C12orf54: variants seen among roughly 807,000 people sequenced by gnomAD.
C12orf54 encodes the protein uncharacterized protein C12orf54.
Under a neutral mutation model 26.4 loss-of-function variants are expected in C12orf54, and 24 were observed. The observed-to-expected ratio is 0.91, with a 90% CI of 0.66 to 1.28. C12orf54 has a LOEUF of 1.28. C12orf54 is among the 50% of genes most tolerant of loss of function. The pLI is 0.00. For missense variants in C12orf54, 154 were observed against 150.9 expected (o/e 1.02, Z -0.11); for synonymous variants, 54 against 47.0 (o/e 1.15, Z -0.61).
chr12:48,471,539 CTGGTTTCATTCTTCTGCATATGGCTA>C, the C12orf54 span, among the ~76,000 whole-genome samples: 2 of 152,266 alleles, frequency 1.3e-5, no homozygotes, highest in East Asian at 3.9e-4. Context: ...AGGTAAGGGT[CTGGTTTCATTCTTCTGCATATGGCTA>C]GCCAGTTATC....
chr12:48,477,641 A>T (rs1954157098), upstream of C12orf54, among the ~76,000 whole-genome samples: 1 of 152,222 alleles, frequency 6.6e-6, no homozygotes, highest in Non-Finnish European at 1.5e-5. Flanking sequence ...AAACTAGAAA[A>T]TCTAGAAGGA....
chr12:48,478,139 AC>A (rs1324328528), upstream of C12orf54, among the ~76,000 whole-genome samples: 2 of 152,240 alleles, frequency 1.3e-5, no homozygotes, highest in Non-Finnish European at 2.9e-5. Context: ...AGAAACAAAG[AC>A]AAAAACCACA....
chr12:48,427,855 A>G, the C12orf54 span, among the ~76,000 whole-genome samples: 122 of 152,214 alleles, frequency 8.0e-4, no homozygotes, highest in East Asian at 0.015. Context: ...CCATCCAAGA[A>G]CCACAGAATA....
At chr12:48,460,918 G>C in the C12orf54 span, among the ~76,000 whole-genome samples, 9 of 152,008 alleles carry the variant, frequency 5.9e-5, no homozygotes, top group Non-Finnish European at 1.2e-4. Context: ...AGTGAAATGA[G>C]AGTGAAAAAC....
chr12:48,425,475 C>T, the C12orf54 span, among the ~76,000 whole-genome samples: 2 of 152,052 alleles, frequency 1.3e-5, no homozygotes, highest in Admixed American at 6.6e-5. Flanking sequence ...TCCAATCTGT[C>T]ATTGATGCAC....
the C12orf54 span, among the ~76,000 whole-genome samples, chr12:48,441,485 G>A: frequency 4.6e-5 from 7 of 152,010 alleles, no homozygotes; most frequent in African/African-American, 1.7e-4. Context: ...TCCTAAGAGA[G>A]TAAATGATCT....
the C12orf54 span, among the ~76,000 whole-genome samples, chr12:48,426,722 T>C: frequency 1.3e-5 from 2 of 152,182 alleles, no homozygotes; most frequent in African/African-American, 4.8e-5. Context: ...CGAGCATGAA[T>C]GCTTTTCCAT....
At chr12:48,494,274 A>G (rs1209957100) in intron 7 of C12orf54, among the ~76,000 whole-genome samples, 1 of 152,086 alleles carries the variant, frequency 6.6e-6, no homozygotes, top group African/African-American at 2.4e-5. Context: ...GAAATGGAAA[A>G]GGTGAACTCC....
the C12orf54 span, among the ~76,000 whole-genome samples, chr12:48,422,226 C>G: frequency 3.5e-4 from 53 of 152,230 alleles, no homozygotes; most frequent in Admixed American, 3.0e-3. Flanking sequence ...AACAGCATTG[C>G]AGGAAGTTGA....
the C12orf54 span, among the ~76,000 whole-genome samples, chr12:48,422,880 G>T: frequency 1.1e-4 from 16 of 152,152 alleles, no homozygotes; most frequent in East Asian, 3.1e-3. Context: ...GGGATGAAAA[G>T]GATCACTAGT....
chr12:48,416,328 C>T, the C12orf54 span, among the ~76,000 whole-genome samples: 1 of 152,164 alleles, frequency 6.6e-6, no homozygotes, highest in Non-Finnish European at 1.5e-5. Flanking sequence ...TTTTACCCAT[C>T]GCTTGCTGAG....
chr12:48,456,634 GA>G, the C12orf54 span, among the ~76,000 whole-genome samples: 1 of 152,146 alleles, frequency 6.6e-6, no homozygotes, highest in South Asian at 2.1e-4. Flanking sequence ...AAATGGCTTT[GA>G]CAATTGTTCT....
chr12:48,474,745 C>T, the C12orf54 span, among the ~76,000 whole-genome samples: 22,501 of 152,254 alleles, frequency 0.15, 2,895 homozygotes, highest in East Asian at 0.66. Context: ...ACAAAGCAGC[C>T]GGGAAGCACG....
At chr12:48,450,761 C>T in the C12orf54 span, among the ~76,000 whole-genome samples, 1 of 152,118 alleles carries the variant, frequency 6.6e-6, no homozygotes, top group Non-Finnish European at 1.5e-5. Flanking sequence ...CATACACCCT[C>T]CCAGCACTGA....
chr12:48,477,308 T>C, the C12orf54 span, among the ~76,000 whole-genome samples: 1 of 152,018 alleles, frequency 6.6e-6, no homozygotes, highest in South Asian at 2.1e-4. Context: ...AGATCTAAAA[T>C]TGACACCCTA....
the C12orf54 span, among the ~76,000 whole-genome samples, chr12:48,457,582 T>A: frequency 1.3e-5 from 2 of 152,136 alleles, no homozygotes; most frequent in Non-Finnish European, 2.9e-5. Flanking sequence ...TCTGCCTGCC[T>A]CGGCCTCCCA....
At chr12:48,492,219 G>A (rs556572659) in intron 6 of C12orf54, among the ~76,000 whole-genome samples, 6 of 152,122 alleles carry the variant, frequency 3.9e-5, no homozygotes, top group Admixed American at 3.3e-4. Context: ...AATCTTCTTG[G>A]GGATCTTTAA....
chr12:48,413,257 C>T, the C12orf54 span, among the ~76,000 whole-genome samples: 1 of 152,166 alleles, frequency 6.6e-6, no homozygotes, highest in East Asian at 1.9e-4. Context: ...CCTACATGCC[C>T]TCTAATAAAA....
At chr12:48,438,283 G>T in the C12orf54 span, among the ~76,000 whole-genome samples, 1 of 152,206 alleles carries the variant, frequency 6.6e-6, no homozygotes, top group African/African-American at 2.4e-5. Context: ...AACATTCCAT[G>T]CTCATTGGTA....
Sources: gnomAD v4.1 joint callset for allele counts (sites outside exome capture counted in the v4.1 genomes callset) on GRCh38, gnomAD v4.1.1 for gene constraint, MANE v1.5 for transcripts, NCBI Gene and HGNC (gene_info 2026-07-23, HGNC 2026-07-21) for gene names.